TENM3: variants seen among roughly 807,000 people sequenced by gnomAD.
The protein encoded by TENM3 is teneurin-3.
TENM3 carries 63 observed loss-of-function variants against 255.1 expected under a neutral mutation model. That is an observed-to-expected ratio of 0.25 (90% CI 0.20 to 0.30). The LOEUF is 0.30. Among genes scored for constraint, TENM3 ranks in the 10% least tolerant of loss-of-function variants. The pLI, the probability that TENM3 is intolerant of heterozygous loss-of-function variation, is 1.00. For synonymous variants in TENM3, 1,306 were observed against 1,322.3 expected (o/e 0.99, Z 0.27); for missense variants, 2,929 against 3,461.1 (o/e 0.85, Z 3.86).
At chr4:182,136,521 A>G in the TENM3 span, among the ~76,000 whole-genome samples, 1 of 152,228 alleles carries the variant, frequency 6.6e-6, no homozygotes, top group Non-Finnish European at 1.5e-5. Context: ...TTTTCAAGCA[A>G]AATCATTGAA....
chr4:181,659,834 C>T, the TENM3 span, among the ~76,000 whole-genome samples: 2 of 152,144 alleles, frequency 1.3e-5, no homozygotes, highest in South Asian at 4.2e-4. Flanking sequence ...ATCACTTTTC[C>T]CCCAAGTAGT....
chr4:181,800,751 C>T, the TENM3 span, among the ~76,000 whole-genome samples: 1 of 152,108 alleles, frequency 6.6e-6, no homozygotes, highest in Non-Finnish European at 1.5e-5. Context: ...ATGGTAGTAC[C>T]CACCTCTTAG....
chr4:181,574,425 G>A, the TENM3 span, among the ~76,000 whole-genome samples: 1 of 151,856 alleles, frequency 6.6e-6, no homozygotes, highest in Non-Finnish European at 1.5e-5. Flanking sequence ...CAGCTACTCG[G>A]GAGGCTGAGG....
the TENM3 span, among the ~76,000 whole-genome samples, chr4:181,647,931 A>T: frequency 6.6e-6 from 1 of 152,070 alleles, no homozygotes; most frequent in Non-Finnish European, 1.5e-5. Flanking sequence ...GGGAGGTTTG[A>T]GAACAGGATT....
the TENM3 span, among the ~76,000 whole-genome samples, chr4:182,094,140 C>T: frequency 2.6e-5 from 4 of 152,002 alleles, no homozygotes; most frequent in African/African-American, 9.7e-5. Context: ...TTGAAGAGAG[C>T]CCAGAAGTCT....
chr4:182,479,124 A>T (rs1201149862), intron 3 of TENM3, among the ~76,000 whole-genome samples: 1 of 66,188 alleles, frequency 1.5e-5, no homozygotes, highest in African/African-American at 3.3e-5. Context: ...TTCCTTAACA[A>T]TATAGTTAAG....
the TENM3 span, among the ~76,000 whole-genome samples, chr4:181,845,986 C>G: frequency 6.6e-6 from 1 of 152,188 alleles, no homozygotes; most frequent in Non-Finnish European, 1.5e-5. Context: ...TTCCTATTTA[C>G]GCTAAGGTTC....
At chr4:181,493,020 GA>G in the TENM3 span, among the ~76,000 whole-genome samples, 1,783 of 145,428 alleles carry the variant, frequency 0.012, 42 homozygotes, top group African/African-American at 0.04. Flanking sequence ...ACCATTGTGA[GA>G]AAAAAAAAAA....
chr4:182,075,151 TG>T, the TENM3 span, among the ~76,000 whole-genome samples: 379 of 151,482 alleles, frequency 2.5e-3, 1 homozygote, highest in African/African-American at 8.1e-3. Context: ...CGTGGCAGAG[TG>T]GCAGAAATCT....
the TENM3 span, among the ~76,000 whole-genome samples, chr4:181,892,215 A>G: frequency 6.7e-4 from 102 of 152,338 alleles, no homozygotes; most frequent in Admixed American, 1.6e-3. Flanking sequence ...TATGAATTGC[A>G]TATTCTGAAG....
intron 3 of TENM3, among the ~76,000 whole-genome samples, chr4:182,555,251 G>A (rs1742469733): frequency 6.6e-6 from 1 of 151,906 alleles, no homozygotes; most frequent in South Asian, 2.1e-4. Flanking sequence ...ATTTAACTGT[G>A]TGTTGCCACC....
the TENM3 span, among the ~76,000 whole-genome samples, chr4:181,624,965 T>C: frequency 6.6e-6 from 1 of 152,122 alleles, no homozygotes; most frequent in Non-Finnish European, 1.5e-5. Flanking sequence ...GGACACTTTA[T>C]ACAGTAATCT....
In TENM3 at chr4:182,230,127, TA is replaced by T. The variant is rs34376758; in HGVS notation, c.-76+85394del. 2.4e-3 allele frequency among the ~76,000 whole-genome samples: 321 copies of T among 134,274 alleles called. 1 individual carries two copies. Among genetic ancestry groups the T allele is most frequent in the Middle Eastern group, 8.3e-3 (2 of 242 alleles). 88.1% of individuals were successfully genotyped at this position (134,274 alleles called of 152,430 possible). A position where few individuals can be genotyped will look rare whatever the true frequency, so the allele number is the denominator to read the frequency against. ...ATGTCCGCTGCTTGCTTGATGCTAC[TA>T]AAAAAAAAAAAAAAAAAAAATCTTC... On this transcript the variant is annotated intron_variant, in intron 1 of 2. Coordinates refer to the TENM3 transcript ENST00000512480.
intron 3 of TENM3, among the ~76,000 whole-genome samples, chr4:182,354,073 G>T (rs1765365859): frequency 6.6e-6 from 1 of 152,096 alleles, no homozygotes; most frequent in Non-Finnish European, 1.5e-5. Context: ...GTTACTACAG[G>T]CTTAAGTATT....
chr4:182,494,981 C>T (rs936277302), intron 3 of TENM3, among the ~76,000 whole-genome samples: 1 of 152,210 alleles, frequency 6.6e-6, no homozygotes, highest in African/African-American at 2.4e-5. Context: ...AAGTTCATTA[C>T]AGCAGCATCT....
At chr4:182,183,916 A>T (rs533020324) in intron 1 of TENM3, among the ~76,000 whole-genome samples, 5 of 152,342 alleles carry the variant, frequency 3.3e-5, no homozygotes, top group African/African-American at 4.8e-5. Flanking sequence ...AGTTAAAAAT[A>T]TATTCTATAT....
intron 1 of TENM3, among the ~76,000 whole-genome samples, chr4:182,185,295 G>A (rs773060122): frequency 6.6e-6 from 1 of 152,258 alleles, no homozygotes; most frequent in Non-Finnish European, 1.5e-5. Context: ...ACTGAACAAA[G>A]TTTTAAGTTG....
At chr4:181,516,789 A>T in the TENM3 span, among the ~76,000 whole-genome samples, 2 of 150,980 alleles carry the variant, frequency 1.3e-5, no homozygotes, top group African/African-American at 2.4e-5. Context: ...AAAAAAAAAA[A>T]GTCACTAATA....
intron 3 of TENM3, among the ~76,000 whole-genome samples, chr4:182,579,060 T>A (rs901447104): frequency 1.3e-5 from 2 of 152,308 alleles, no homozygotes; most frequent in Non-Finnish European, 2.9e-5. Context: ...TCTCCTCAAT[T>A]AGGGAATAAG....
Sources: gnomAD v4.1 joint callset for allele counts (sites outside exome capture counted in the v4.1 genomes callset) on GRCh38, gnomAD v4.1.1 for gene constraint, MANE v1.5 for transcripts, NCBI Gene and HGNC (gene_info 2026-07-23, HGNC 2026-07-21) for gene names.